Variants in TTBK2 observed in about 807,000 individuals in gnomAD.
TTBK2 encodes the protein tau-tubulin kinase 2.
A neutral mutation model predicts 110.8 loss-of-function variants in TTBK2; 28 were observed. The ratio of observed to expected loss-of-function variants is 0.25; its 90% CI spans 0.19 to 0.35. The LOEUF (loss-of-function observed/expected upper bound fraction) is 0.35. Among genes scored for constraint, TTBK2 ranks in the 10% least tolerant of loss-of-function variants. The probability of loss-of-function intolerance (pLI) is 1.00; values close to 1 mark genes in which losing one functional copy is unlikely to be tolerated. For synonymous variants in TTBK2, 532 were observed against 527.3 expected, an observed-to-expected ratio of 1.01 and a Z score of -0.12; for missense variants, 1,369 against 1,500.3, an observed-to-expected ratio of 0.91 and a Z score of 1.45.
intron 13 of TTBK2, among the ~76,000 whole-genome samples, chr15:42,770,320 T>C (rs1306169837): frequency 6.6e-6 from 1 of 152,160 alleles, no homozygotes; most frequent in African/African-American, 2.4e-5. Context: ...TCACAGCACC[T>C]ATAACACTTA....
intron 14 of TTBK2, among the ~76,000 whole-genome samples, chr15:42,749,020 T>A (rs2061832303): frequency 6.6e-6 from 1 of 152,206 alleles, no homozygotes; most frequent in Admixed American, 6.5e-5. Context: ...TTATGGGACA[T>A]AATGGGATTC....
intron 4 of TTBK2, among the ~76,000 whole-genome samples, chr15:42,832,439 G>C (rs940903005): frequency 1.9e-4 from 29 of 152,006 alleles, no homozygotes; most frequent in African/African-American, 7.0e-4. Flanking sequence ...TAAGAGTATG[G>C]GGTAAAGTGT....
chr15:42,748,462 A>C (rs1566997937), intron 14 of TTBK2, among the ~76,000 whole-genome samples: 2 of 146,362 alleles, frequency 1.4e-5, no homozygotes, highest in African/African-American at 2.5e-5. Flanking sequence ...GTCTCAAAAG[A>C]AAAAAAAAAA....
chr15:42,867,341 A>G (rs1269552339), intron 3 of TTBK2, among the ~76,000 whole-genome samples: 1 of 152,094 alleles, frequency 6.6e-6, no homozygotes, highest in Non-Finnish European at 1.5e-5. Context: ...AGCAAATTAA[A>G]GCAGAAGAGA....
In TTBK2 at chr15:42,840,565, T is replaced by C. The variant is rs774194644; in HGVS notation, c.218-132A>G. 10 of 871,232 alleles carry C rather than the reference T, an allele frequency of 1.1e-5. No homozygotes were observed. The East Asian group carries it at 2.5e-4, about 22-fold the overall frequency. 54.0% of individuals were successfully genotyped at this position (871,232 alleles called of 1,614,324 possible). The stretch of plus-strand genomic sequence containing the variant: ...CTTGAGAACCTTAAGGATAGAAAAC[T>C]TATATTATTCAAATTTTCTACCTAC... On this transcript the variant is annotated intron_variant, in intron 3 of 14. Coordinates refer to ENST00000267890, the MANE Select transcript of TTBK2 (RefSeq NM_173500.4).
chr15:42,816,930 A>G (rs1892056470), intron 7 of TTBK2, 102 bp downstream of exon 7: 1 of 325,114 alleles, frequency 3.1e-6, no homozygotes, highest in Non-Finnish European at 4.4e-6. Flanking sequence ...ACAAATATAC[A>G]TATATATATA....
At chr15:42,813,427 T>G (rs1008112648) in intron 7 of TTBK2, among the ~76,000 whole-genome samples, 1 of 151,538 alleles carries the variant, frequency 6.6e-6, no homozygotes, top group African/African-American at 2.4e-5. Context: ...GAGGCTGAGG[T>G]GGGAGGGCTG....
intron 13 of TTBK2, among the ~76,000 whole-genome samples, chr15:42,774,604 G>A (rs531455774): frequency 6.0e-4 from 92 of 152,238 alleles, no homozygotes; most frequent in African/African-American, 2.1e-3. Flanking sequence ...CAAAAGTTCT[G>A]GAAGTGAGGC....
chr15:42,795,821 TGA>T (rs1392547808), intron 9 of TTBK2, among the ~76,000 whole-genome samples: 4 of 132,398 alleles, frequency 3.0e-5, no homozygotes, highest in African/African-American at 8.8e-5. Flanking sequence ...CCAACCTGGG[TGA>T]CGGAATGAGA....
rs376921873 is a variant in TTBK2, at chr15:42,838,353, GGTGT to G, written c.291+2003_291+2006del. On this transcript the variant is annotated intron_variant, in intron 4 of 14. Transcript: ENST00000267890. ...AACTTTGAGGGTGACTATAATTCAGGGTGTGTGTGTGTGTGTGTGTGTGTGTATG... is the reference window on the plus strand; with the variant it reads ...AACTTTGAGGGTGACTATAATTCAGGGTGTGTGTGTGTGTGTGTGTGTATG... Among the ~76,000 whole-genome samples, 213 of 147,996 alleles carry G rather than the reference GGTGT, an allele frequency of 1.4e-3. 1 individual carries two copies. The highest frequency in any genetic ancestry group is 3.3e-3 in the East Asian group (17 of 5,082).
intron 3 of TTBK2, among the ~76,000 whole-genome samples, chr15:42,868,728 G>A (rs1894486153): frequency 6.6e-6 from 1 of 151,670 alleles, no homozygotes; most frequent in Admixed American, 6.6e-5. Context: ...TGAGTGTGGT[G>A]GCACACACCT....
intron 1 of TTBK2, among the ~76,000 whole-genome samples, chr15:42,888,461 G>A (rs879423463): frequency 2.6e-5 from 4 of 151,682 alleles, no homozygotes; most frequent in African/African-American, 7.3e-5. Flanking sequence ...TTGGTTTATC[G>A]ATGGCAGTCC....
At chr15:42,799,573 T>C (rs1369977000) in intron 9 of TTBK2, among the ~76,000 whole-genome samples, 2 of 152,022 alleles carry the variant, frequency 1.3e-5, no homozygotes, top group African/African-American at 2.4e-5. Flanking sequence ...GCTGACACTA[T>C]AGACATGTGC....
intron 13 of TTBK2, among the ~76,000 whole-genome samples, chr15:42,773,189 G>A (rs1397723055): frequency 1.3e-5 from 2 of 152,078 alleles, no homozygotes; most frequent in Non-Finnish European, 2.9e-5. Flanking sequence ...GGTGACTGAG[G>A]AAGACCTAGC....
At chr15:42,793,953 T>C (rs1198605560) in intron 10 of TTBK2, among the ~76,000 whole-genome samples, 1 of 152,008 alleles carries the variant, frequency 6.6e-6, no homozygotes, top group Non-Finnish European at 1.5e-5. Context: ...TCCCACTCTG[T>C]TGCATAGGCT....
intron 13 of TTBK2, among the ~76,000 whole-genome samples, chr15:42,768,555 A>C (rs927116560): frequency 3.3e-5 from 5 of 152,226 alleles, no homozygotes; most frequent in African/African-American, 1.2e-4. Flanking sequence ...CTTACAAGGG[A>C]TATGAAGGAC....
At chr15:42,865,527 A>C (rs1166362312) in intron 3 of TTBK2, among the ~76,000 whole-genome samples, 2 of 149,318 alleles carry the variant, frequency 1.3e-5, no homozygotes, top group East Asian at 1.9e-4. Context: ...AAAAAAAAAA[A>C]AACCAACAAC....
intron 6 of TTBK2, among the ~76,000 whole-genome samples, chr15:42,819,330 C>T (rs1359121803): frequency 6.8e-6 from 1 of 147,142 alleles, no homozygotes; most frequent in East Asian, 2.0e-4. Flanking sequence ...AGCCAGGCAA[C>T]AGAGTGAGAC....
At chr15:42,872,480 G>T in intron 3 of TTBK2, 131 bp downstream of exon 3, 1 of 1,035,344 alleles carries the variant, frequency 9.7e-7, no homozygotes, top group Non-Finnish European at 1.4e-6. Context: ...AAAATGCTCA[G>T]CGTATTTATA....
Sources: gnomAD v4.1 joint callset for allele counts (sites outside exome capture counted in the v4.1 genomes callset) on GRCh38, gnomAD v4.1.1 for gene constraint, MANE v1.5 for transcripts, NCBI Gene and HGNC (gene_info 2026-07-23, HGNC 2026-07-21) for gene names.